Variants in PCDHA7 observed in about 807,000 individuals in gnomAD.
PCDHA7 encodes the protein protocadherin alpha-7.
Under a neutral mutation model 57.2 loss-of-function variants are expected in PCDHA7, and 37 were observed. The observed-to-expected ratio is 0.65, with a 90% CI of 0.50 to 0.85. PCDHA7 has a LOEUF of 0.85. Ranked by LOEUF, PCDHA7 falls within the 40% of genes least tolerant of loss-of-function variation. The pLI, the probability that PCDHA7 is intolerant of heterozygous loss-of-function variation, is 0.00. For missense variants in PCDHA7, 1,188 were observed against 1,241.8 expected (o/e 0.96, Z 0.65); for synonymous variants, 553 against 558.8 (o/e 0.99, Z 0.15).
intron 3 of PCDHA7, among the ~76,000 whole-genome samples, chr5:141,003,377 T>C (rs2098121331): frequency 6.6e-6 from 1 of 152,180 alleles, no homozygotes; most frequent in African/African-American, 2.4e-5. Context: ...AGTGGTGCAA[T>C]CTCAGCTCAC....
chr5:140,862,131 G>C (rs375206364), intron 1 of PCDHA7: 1 of 162,230 alleles, frequency 6.2e-6, no homozygotes, highest in Non-Finnish European at 1.4e-5. Context: ...TGTAAAGATA[G>C]GTTTTGAGGA....
chr5:140,950,820 AG>A (rs1429119954), intron 1 of PCDHA7, among the ~76,000 whole-genome samples: 2 of 152,088 alleles, frequency 1.3e-5, no homozygotes, highest in Non-Finnish European at 2.9e-5. Context: ...GTAGGGTTAA[AG>A]TTTGGTCCTT....
At chr5:140,930,175 G>A (rs1554207630) in intron 1 of PCDHA7, 2 of 152,134 alleles carry the variant, frequency 1.3e-5, no homozygotes, top group African/African-American at 4.8e-5. Context: ...TTACAAAGAG[G>A]AAAGATGAGT....
Position 140,856,118 on chromosome 5 carries a change from G to A in PCDHA7, c.2355+19380G>A. On this transcript the variant is annotated intron_variant, in intron 1 of 3. Coordinates refer to ENST00000525929, the MANE Select transcript of PCDHA7 (RefSeq NM_018910.3). ...CTCGCTTCTTCTCCTCGCAGCCTGG[G>A]AGGTGGGGAGCGGCCAGCTCCACTA... 1.3e-6 allele frequency: 2 copies of A among 1,598,234 alleles called. 1 individual carries two copies. The highest frequency in any genetic ancestry group is 2.7e-5 in the African/African-American group (2 of 74,402).
At chr5:140,993,462 T>TCACACACACACACACACA (rs3836747) in intron 3 of PCDHA7, among the ~76,000 whole-genome samples, 2 of 140,938 alleles carry the variant, frequency 1.4e-5, no homozygotes, top group African/African-American at 5.3e-5. Flanking sequence ...TCTTTCTTTC[T>TCACACACACACACACACA]CACACACACA....
chr5:140,836,407 C>T lies in PCDHA7; in HGVS notation c.2024C>T (p.Ala675Val), dbSNP rs2150259988. Reference sequence around the variant, plus strand: ...GTGTCGCTGGTGGAAAGCGGCCAGGCACCAAAGGCGTCGTCGCGGGCATCG... The same window carrying T: ...GTGTCGCTGGTGGAAAGCGGCCAGGTACCAAAGGCGTCGTCGCGGGCATCG... ...VLVSLVESGQ[A>V]PKASSRASLG... is the part of the protein sequence containing the mutation. The change falls in exon 1 of 4, where the codon GCA becomes GTA. Residue 675 changes from alanine to valine, a missense_variant. Transcript: ENST00000525929. 23 of 1,613,770 alleles carry T rather than the reference C, an allele frequency of 1.4e-5. No homozygotes were observed. Among genetic ancestry groups the T allele is most frequent in the Non-Finnish European group, 1.9e-5 (22 of 1,179,854 alleles).
chr5:140,955,998 G>A (rs1194688184), intron 1 of PCDHA7, among the ~76,000 whole-genome samples: 1 of 152,174 alleles, frequency 6.6e-6, no homozygotes, highest in Non-Finnish European at 1.5e-5. Context: ...CATTGATTTT[G>A]TATCCTGAGA....
At chr5:140,977,283 G>A (rs2096753441) in intron 1 of PCDHA7, among the ~76,000 whole-genome samples, 1 of 152,190 alleles carries the variant, frequency 6.6e-6, no homozygotes, top group African/African-American at 2.4e-5. Context: ...CTCAAAGGAA[G>A]GTTCTCTCAG....
chr5:140,914,982 T>C (rs1411265179), intron 1 of PCDHA7, among the ~76,000 whole-genome samples: 1 of 149,996 alleles, frequency 6.7e-6, no homozygotes, highest in Non-Finnish European at 1.5e-5. Context: ...AGTCTTGCTC[T>C]GCTACCAGGC....
intron 1 of PCDHA7, among the ~76,000 whole-genome samples, chr5:140,946,207 A>G (rs1435472095): frequency 2.0e-5 from 3 of 152,068 alleles, no homozygotes; most frequent in Non-Finnish European, 4.4e-5. Flanking sequence ...AAAGCACACA[A>G]ATGACCAACA....
intron 1 of PCDHA7, among the ~76,000 whole-genome samples, chr5:140,900,977 C>T (rs1223245503): frequency 2.0e-5 from 3 of 152,112 alleles, no homozygotes; most frequent in South Asian, 2.1e-4. Flanking sequence ...AGTATCTTTT[C>T]CTATACCTGT....
rs150949805 is a variant in PCDHA7, at chr5:141,009,832, C to T, written c.2709C>T (p.Phe903=). The stretch of plus-strand genomic sequence containing the variant: ...TTGACAAAAGTGACTTCATAACCTT[C>T]GGCAAAAAGGAGGAGACCAAGAAAA... ...SQIDKSDFIT[F]GKKEETKKKK... The change falls in exon 4 of 4, where the codon TTC becomes TTT. Residue 903 remains phenylalanine (F), a synonymous_variant. Coordinates refer to ENST00000525929, the MANE Select transcript of PCDHA7 (RefSeq NM_018910.3). The T allele has an allele frequency of 7.1e-5, 114 of 1,613,408 alleles. No individual in the cohort carries two copies. The highest frequency in any genetic ancestry group is 9.2e-5 in the Non-Finnish European group (109 of 1,179,918).
chr5:140,868,857 T>A (rs2050685848), intron 1 of PCDHA7: 1 of 499,740 alleles, frequency 2.0e-6, no homozygotes, highest in Admixed American at 3.8e-5. Context: ...TCTGTGGTGG[T>A]AAATGCAGTG....
rs73793540 is a variant in PCDHA7, at chr5:140,959,705, G to T, written c.2356-19244G>T. 8.9e-3 allele frequency among the ~76,000 whole-genome samples: 1,358 copies of T among 152,238 alleles called. 14 individuals are homozygous for T. The highest frequency in any genetic ancestry group is 0.032 in the African/African-American group (1,312 of 41,544). On this transcript the variant is annotated intron_variant, in intron 1 of 3. Coordinates refer to ENST00000525929, the MANE Select transcript of PCDHA7 (RefSeq NM_018910.3). ...AATTTCAATAAAATGAGCTTTGAAA[G>T]GGAAAATTTTTAGATAACATTATCT...
At chr5:140,862,433 G>T (rs781821294) in intron 1 of PCDHA7, 1 of 354,884 alleles carries the variant, frequency 2.8e-6, no homozygotes, top group Non-Finnish European at 5.6e-6. Flanking sequence ...GAAACTATTC[G>T]TTGGTACTCC....
chr5:140,861,353 T>C lies in PCDHA7; in HGVS notation c.2355+24615T>C, dbSNP rs79040493. The C allele has an allele frequency of 1.3e-3, 424 of 327,094 alleles. 1 individual carries two copies. Among genetic ancestry groups the C allele is most frequent in the African/African-American group, 8.5e-3 (393 of 46,466 alleles). The allele number at this position is 327,094 out of a possible 1,614,324, so 20.3% of individuals were successfully genotyped here. On this transcript the variant is annotated intron_variant, in intron 1 of 3. Coordinates refer to ENST00000525929, the MANE Select transcript of PCDHA7 (RefSeq NM_018910.3). ...CCTGGAAGAGGCCAAGGACGGCACA[T>C]AGCGTCTTCGCGGTCCCTATTGCGC...
At chr5:140,924,767 C>T (rs782265529) in intron 1 of PCDHA7, among the ~76,000 whole-genome samples, 3 of 151,618 alleles carry the variant, frequency 2.0e-5, no homozygotes, top group South Asian at 2.1e-4. Flanking sequence ...TGGTGGTGCG[C>T]GCTTGTAGTC....
chr5:141,002,497 CT>C (rs1310638544), intron 3 of PCDHA7, among the ~76,000 whole-genome samples: 1 of 152,204 alleles, frequency 6.6e-6, no homozygotes, highest in Non-Finnish European at 1.5e-5. Flanking sequence ...TGTTATACAG[CT>C]CAGGATCTGA....
intron 1 of PCDHA7, among the ~76,000 whole-genome samples, chr5:140,888,289 C>T (rs543077496): frequency 1.3e-5 from 2 of 152,246 alleles, no homozygotes; most frequent in Admixed American, 1.3e-4. Flanking sequence ...CCTCTACCCC[C>T]TACCCAGGAG....
Sources: gnomAD v4.1 joint callset for allele counts (sites outside exome capture counted in the v4.1 genomes callset) on GRCh38, gnomAD v4.1.1 for gene constraint, MANE v1.5 for transcripts, NCBI Gene and HGNC (gene_info 2026-07-23, HGNC 2026-07-21) for gene names.